Variants in LY86 observed in about 807,000 individuals in gnomAD.
The protein encoded by LY86 is lymphocyte antigen 86, also known as MD-1, RP105-associated.
In LY86, 20 loss-of-function variants were observed where a neutral mutation model predicts 17.3. The observed-to-expected ratio is 1.15, with a 90% CI of 0.81 to 1.68. LY86 has a LOEUF of 1.68. Among genes scored for constraint, LY86 ranks in the 40% most tolerant of loss-of-function variants. LY86 has a pLI of 0.00. For synonymous variants in LY86, 74 were observed against 70.6 expected (o/e 1.05, Z -0.24); for missense variants, 200 against 191.9 (o/e 1.04, Z -0.25).
intron 1 of LY86, among the ~76,000 whole-genome samples, chr6:6,595,738 TATC>T (rs1210085476): frequency 4.6e-5 from 7 of 152,214 alleles, no homozygotes; most frequent in African/African-American, 1.4e-4. Context: ...GCCACTCTCT[TATC>T]ATTAAGAACA....
At chr6:6,637,169 C>T (rs1393324049) in intron 3 of LY86, among the ~76,000 whole-genome samples, 19 of 152,094 alleles carry the variant, frequency 1.2e-4, no homozygotes, top group Admixed American at 5.2e-4. Context: ...CCCGCCATCA[C>T]GCTCGGCTAA....
chr6:6,612,171 C>G (rs927880202), intron 1 of LY86, among the ~76,000 whole-genome samples: 2 of 145,680 alleles, frequency 1.4e-5, no homozygotes, highest in African/African-American at 2.6e-5. Context: ...TTTGGGGGTT[C>G]TTGGTCTCAC....
intron 1 of LY86, among the ~76,000 whole-genome samples, chr6:6,617,400 G>T (rs989708687): frequency 2.6e-5 from 4 of 152,130 alleles, no homozygotes; most frequent in African/African-American, 4.8e-5. Context: ...TGAATCCGTG[G>T]GAAACATGCC....
chr6:6,647,619 T>G (rs2113163369), intron 3 of LY86, among the ~76,000 whole-genome samples: 1 of 152,300 alleles, frequency 6.6e-6, no homozygotes, highest in East Asian at 1.9e-4. Context: ...AATACCCTCC[T>G]GTTTGAAAAA....
Position 6,588,884 on chromosome 6 carries a change from G to A in LY86, c.136+14G>A. ...ACCAGAGTTGCGGTAAGCCCTTGCA[G>A]TACACCCATGTGTGTTTATGGGGAA... On this transcript the variant is annotated intron_variant, in intron 1 of 4. Transcript: ENST00000230568. The A allele has an allele frequency of 1.2e-6, 2 of 1,612,904 alleles. No individual in the cohort carries two copies. Among genetic ancestry groups the A allele is most frequent in the Non-Finnish European group, 1.7e-6 (2 of 1,179,288 alleles).
At chr6:6,643,380 C>T (rs530801072) in intron 3 of LY86, among the ~76,000 whole-genome samples, 1 of 152,216 alleles carries the variant, frequency 6.6e-6, no homozygotes, top group East Asian at 1.9e-4. Context: ...GTGGACAAAC[C>T]TGGAGGACCT....
At position 6,605,509 on chromosome 6, in the gene LY86, A is replaced by G. The variant is rs546830462; in HGVS notation, c.136+16639A>G. Among the ~76,000 whole-genome samples, 18 of 152,338 alleles carry G rather than the reference A, an allele frequency of 1.2e-4. No individual in the cohort carries two copies. The South Asian group carries it at 3.7e-3, about 32-fold the overall frequency. On this transcript the variant is annotated intron_variant, in intron 1 of 4. Coordinates refer to ENST00000230568, the MANE Select transcript of LY86 (RefSeq NM_004271.4). ...ATTAGCCAGAGATCAGTGCCTTGCC[A>G]TGGGGGGTCTCCCCACAACGCTACC...
chr6:6,612,653 TG>T (rs1315564442), intron 1 of LY86, among the ~76,000 whole-genome samples: 14 of 152,232 alleles, frequency 9.2e-5, no homozygotes, highest in African/African-American at 3.4e-4. Context: ...CCAATTGGTC[TG>T]TCTTACAGAG....
intron 3 of LY86, among the ~76,000 whole-genome samples, chr6:6,635,632 C>T (rs1212000197): frequency 6.6e-6 from 1 of 152,200 alleles, no homozygotes; most frequent in Non-Finnish European, 1.5e-5. Context: ...TTTTAGACTT[C>T]CTGCTCCTTC....
intron 1 of LY86, among the ~76,000 whole-genome samples, chr6:6,608,811 G>C (rs1761261791): frequency 6.6e-6 from 1 of 152,266 alleles, no homozygotes; most frequent in Non-Finnish European, 1.5e-5. Context: ...TGTTTAACTT[G>C]TGTGCAGGTC....
intron 1 of LY86, among the ~76,000 whole-genome samples, chr6:6,613,557 T>G (rs6904255): frequency 0.34 from 51,324 of 151,988 alleles, 9,394 homozygotes; most frequent in East Asian, 0.5. Flanking sequence ...GGCCCGCCGA[T>G]CCCACGCCCA....
intron 1 of LY86, among the ~76,000 whole-genome samples, chr6:6,603,762 C>T (rs1761001669): frequency 6.6e-6 from 1 of 151,878 alleles, no homozygotes; most frequent in Admixed American, 6.6e-5. Context: ...GTAAGGAAGC[C>T]CTTCCCCATG....
At chr6:6,614,630 G>C (rs1761503833) in intron 1 of LY86, among the ~76,000 whole-genome samples, 1 of 152,028 alleles carries the variant, frequency 6.6e-6, no homozygotes, top group African/African-American at 2.4e-5. Context: ...TCCTCCGCTA[G>C]CTCTCCTTGC....
intron 3 of LY86, among the ~76,000 whole-genome samples, chr6:6,636,552 G>C (rs747254447): frequency 6.6e-6 from 1 of 152,182 alleles, no homozygotes; most frequent in African/African-American, 2.4e-5. Context: ...AGTCATTGAG[G>C]CTTAGAAGTT....
chr6:6,613,728 C>T (rs1761469466), intron 1 of LY86, among the ~76,000 whole-genome samples: 1 of 152,248 alleles, frequency 6.6e-6, no homozygotes, highest in Admixed American at 6.5e-5. Flanking sequence ...GCTCCTCAAG[C>T]GCGGCCAGAG....
At chr6:6,599,314 A>G (rs1393260650) in intron 1 of LY86, among the ~76,000 whole-genome samples, 2 of 152,222 alleles carry the variant, frequency 1.3e-5, no homozygotes, top group Non-Finnish European at 2.9e-5. Context: ...ATTTCTAGGA[A>G]CTGCCTGGTA....
intron 4 of LY86, among the ~76,000 whole-genome samples, chr6:6,653,880 A>AG (rs1199702573): frequency 1.3e-5 from 2 of 151,970 alleles, no homozygotes; most frequent in Non-Finnish European, 2.9e-5. Flanking sequence ...CCTCTACTCC[A>AG]AGTCATCTTC....
chr6:6,611,766 C>T (rs1488493609), intron 1 of LY86, among the ~76,000 whole-genome samples: 1 of 151,816 alleles, frequency 6.6e-6, no homozygotes, highest in Non-Finnish European at 1.5e-5. Context: ...CCACATCTAG[C>T]ACAGTGCCTA....
intron 1 of LY86, among the ~76,000 whole-genome samples, chr6:6,589,763 T>A (rs955005011): frequency 6.6e-6 from 1 of 152,062 alleles, no homozygotes; most frequent in Non-Finnish European, 1.5e-5. Flanking sequence ...TTCTTATAAG[T>A]ACACAATCAT....
Sources: allele counts gnomAD v4.1 joint callset (sites outside exome capture counted in the v4.1 genomes callset), GRCh38; gene constraint gnomAD v4.1.1; transcripts MANE v1.5; gene names NCBI Gene and HGNC (gene_info 2026-07-23, HGNC 2026-07-21).